Variants in IL23R observed in about 807,000 individuals in gnomAD.
IL23R encodes interleukin 23 receptor.
A neutral mutation model predicts 56.9 loss-of-function variants in IL23R; 34 were observed. That is an observed-to-expected ratio of 0.60 (90% CI 0.45 to 0.80). The LOEUF (loss-of-function observed/expected upper bound fraction) is 0.80, where lower values mean the gene tolerates loss of function less well. IL23R is among the 30% of genes least tolerant of loss of function. IL23R has a pLI of 0.00. For synonymous variants in IL23R, 230 were observed against 249.2 expected (o/e 0.92, Z 0.73); for missense variants, 635 against 730.0 (o/e 0.87, Z 1.50).
rs116520998 is a variant in IL23R, at chr1:67,232,471, T to C, written c.956-4242T>C. Among the ~76,000 whole-genome samples, 330 of 152,292 alleles carry C rather than the reference T, an allele frequency of 2.2e-3. 1 individual carries two copies. Among genetic ancestry groups the C allele is most frequent in the African/African-American group, 7.4e-3 (306 of 41,554 alleles). ...CCTGCTGTGGAAGTGAGGTTATTAA[T>C]TTAATGAGATCAGTGACCAGCACAA... On this transcript the variant is annotated intron_variant, in intron 7 of 10. Transcript: ENST00000347310.
intron 8 of IL23R, 37 bp downstream of exon 8, chr1:67,236,839 T>C (rs1395754197): frequency 7.5e-7 from 1 of 1,340,982 alleles, no homozygotes; most frequent in East Asian, 2.3e-5. Flanking sequence ...GAGTAGTCTT[T>C]TAGTAATTGC....
intron 4 of IL23R, among the ~76,000 whole-genome samples, chr1:67,190,213 A>C (rs1647639915): frequency 6.6e-6 from 1 of 152,204 alleles, no homozygotes; most frequent in African/African-American, 2.4e-5. Flanking sequence ...TCATTTCTCC[A>C]GTTGCAGAAA....
chr1:67,171,414 A>G (rs1338236954), intron 3 of IL23R, among the ~76,000 whole-genome samples: 2 of 152,154 alleles, frequency 1.3e-5, no homozygotes, highest in Non-Finnish European at 2.9e-5. Context: ...AAGTTACTAT[A>G]GTGATATGGG....
intron 4 of IL23R, among the ~76,000 whole-genome samples, chr1:67,193,040 T>C (rs12567033): frequency 1 from 152,050 of 152,270 alleles, 75,916 homozygotes; most frequent in Middle Eastern, 1. Flanking sequence ...TCTCTGATTT[T>C]GTCTTTAATC....
chr1:67,258,512 A>G lies in IL23R; in HGVS notation c.1274A>G (p.Glu425Gly). Reference protein sequence around the residue: ...NSELMNNNSSEQVLYVDPMIT... With the variant: ...NSELMNNNSSGQVLYVDPMIT... The stretch of plus-strand genomic sequence containing the variant: ...GAACTTATGAATAATAATTCCAGTG[A>G]GCAGGTCCTATATGTTGATCCCATG... Residue 425 changes from glutamate (E) to glycine (G), a missense_variant, in exon 11 of 11, where the codon GAG becomes GGG. By Grantham distance (98) the Glu-to-Gly change is moderately conservative (BLOSUM62 -2). Coordinates refer to ENST00000347310, the MANE Select transcript of IL23R (RefSeq NM_144701.3). 3.7e-6 allele frequency: 6 copies of G among 1,603,538 alleles called. No individual in the cohort carries two copies. Among genetic ancestry groups the G allele is most frequent in the Non-Finnish European group, 5.1e-6 (6 of 1,175,266 alleles).
intron 9 of IL23R, among the ~76,000 whole-genome samples, chr1:67,246,198 T>C (rs1478965342): frequency 6.6e-6 from 1 of 152,198 alleles, no homozygotes; most frequent in African/African-American, 2.4e-5. Context: ...GATTCTTCTC[T>C]CTTTTCTTCT....
At chr1:67,246,540 T>C (rs1182037692) in intron 9 of IL23R, among the ~76,000 whole-genome samples, 1 of 152,202 alleles carries the variant, frequency 6.6e-6, no homozygotes, top group Admixed American at 6.5e-5. Flanking sequence ...TCAAAGAACA[T>C]CTTTATTTCT....
At chr1:67,163,496 A>AAAAAAAAAG (rs1558221020), upstream of IL23R, among the ~76,000 whole-genome samples, 3 of 142,822 alleles carry the variant, frequency 2.1e-5, no homozygotes, top group African/African-American at 7.9e-5. Context: ...AAAAAAAAAA[A>AAAAAAAAAG]AAGACAGAAA....
At chr1:67,163,860 C>T (rs1404503375), upstream of IL23R, among the ~76,000 whole-genome samples, 1 of 152,146 alleles carries the variant, frequency 6.6e-6, no homozygotes, top group Non-Finnish European at 1.5e-5. Context: ...TATAAATTAC[C>T]AAGTCTCAGT....
intron 7 of IL23R, among the ~76,000 whole-genome samples, chr1:67,232,413 G>A (rs879652999): frequency 4.6e-5 from 7 of 152,256 alleles, no homozygotes; most frequent in Admixed American, 2.6e-4. Context: ...GAGGCTGCTT[G>A]CAGGGCTGAC....
chr1:67,149,031 G>A (rs555930539), intron 1 of IL23R, among the ~76,000 whole-genome samples: 9 of 152,202 alleles, frequency 5.9e-5, no homozygotes, highest in African/African-American at 2.2e-4. Context: ...CACTAGTTGG[G>A]GCACTTTGTT....
chr1:67,204,129 T>C (rs1194706654), intron 5 of IL23R, among the ~76,000 whole-genome samples: 2 of 152,164 alleles, frequency 1.3e-5, no homozygotes, highest in Non-Finnish European at 2.9e-5. Context: ...AGTGGCGCGA[T>C]CTCGGCTCAC....
At chr1:67,144,138 A>C (rs574198192) in intron 1 of IL23R, among the ~76,000 whole-genome samples, 2 of 152,338 alleles carry the variant, frequency 1.3e-5, no homozygotes, top group South Asian at 4.1e-4. Context: ...CTGTTACTAT[A>C]TTGTGGGTTT....
At chr1:67,174,933 G>A (rs1270006535) in intron 3 of IL23R, among the ~76,000 whole-genome samples, 1 of 152,174 alleles carries the variant, frequency 6.6e-6, no homozygotes, top group Non-Finnish European at 1.5e-5. Flanking sequence ...GCTACTCAGA[G>A]ATAGCAGTTT....
At chr1:67,219,300 G>A (rs536722413) in intron 6 of IL23R, among the ~76,000 whole-genome samples, 9 of 152,184 alleles carry the variant, frequency 5.9e-5, no homozygotes, top group Admixed American at 3.3e-4. Flanking sequence ...CCCGGGAGGC[G>A]GAGGTTGCAG....
chr1:67,236,899 G>A, intron 8 of IL23R, 97 bp downstream of exon 8: 2 of 797,730 alleles, frequency 2.5e-6, no homozygotes, highest in East Asian at 5.1e-5. Flanking sequence ...TTAAGTTTCT[G>A]GACAATAAGA....
intron 7 of IL23R, 32 bp downstream of exon 7, chr1:67,219,762 GCTTTTCTTTATATAT>G: frequency 6.3e-7 from 1 of 1,593,144 alleles, no homozygotes; most frequent in Non-Finnish European, 8.6e-7. Context: ...ATTCTGTTGG[GCTTTTCTTTATATAT>G]CTTTTCTGCT....
chr1:67,148,673 T>TA (rs1256242133), intron 1 of IL23R, among the ~76,000 whole-genome samples: 4 of 152,212 alleles, frequency 2.6e-5, no homozygotes, highest in Non-Finnish European at 5.9e-5. Context: ...TGTGGTAGAT[T>TA]AAAAGATTGG....
chr1:67,208,764 CCA>C (rs1649253698), intron 6 of IL23R, among the ~76,000 whole-genome samples: 1 of 152,120 alleles, frequency 6.6e-6, no homozygotes, highest in African/African-American at 2.4e-5. Flanking sequence ...GTCTGAGCCT[CCA>C]CACAGAGTCC....
Sources: gnomAD v4.1 joint callset for allele counts (sites outside exome capture counted in the v4.1 genomes callset) on GRCh38, gnomAD v4.1.1 for gene constraint, MANE v1.5 for transcripts, NCBI Gene and HGNC (gene_info 2026-07-23, HGNC 2026-07-21) for gene names.